SDHB: variants seen among roughly 807,000 people sequenced by gnomAD.
SDHB encodes the protein succinate dehydrogenase [ubiquinone] iron-sulfur subunit, mitochondrial.
In SDHB, 21 loss-of-function variants were observed where a neutral mutation model predicts 39.7. The ratio of observed to expected loss-of-function variants is 0.53; its 90% confidence interval spans 0.37 to 0.76. The LOEUF is 0.76. Among genes scored for constraint, SDHB ranks in the 30% least tolerant of loss-of-function variants. The pLI, the probability that SDHB is intolerant of heterozygous loss-of-function variation, is 0.00. For missense variants in SDHB, 343 were observed against 350.9 expected (o/e 0.98, Z 0.18); for synonymous variants, 118 against 117.0 (o/e 1.01, Z -0.06).
At chr1:17,035,641 T>A (rs1328217931) in intron 2 of SDHB, among the ~76,000 whole-genome samples, 1 of 152,058 alleles carries the variant, frequency 6.6e-6, no homozygotes, top group African/African-American at 2.4e-5. Flanking sequence ...GGCGGGTGGA[T>A]CATGAGGTCA....
At chr1:17,049,704 G>C (rs11799540) in intron 1 of SDHB, among the ~76,000 whole-genome samples, 3 of 122,336 alleles carry the variant, frequency 2.5e-5, no homozygotes, top group Non-Finnish European at 4.7e-5. Flanking sequence ...CTGTCACCCA[G>C]GCTGGAGTGG....
Position 17,027,730 on chromosome 1 carries a change from A to G in SDHB, c.540+19T>C. 7.3e-7 allele frequency: 1 copy of G among 1,367,808 alleles called. No homozygotes were observed. The highest frequency in any genetic ancestry group is 1.0e-6 in the Non-Finnish European group (1 of 955,360). 84.7% of individuals were successfully genotyped at this position (1,367,808 alleles called of 1,614,324 possible). ...GCAATAAATTCTTCAGATTGAAACA[A>G]TAAATAGGGACTAATGACCAGTTTC... On this transcript the variant is annotated intron_variant, in intron 5 of 7. Transcript: ENST00000375499.
chr1:17,021,638 G>C (rs1042696863), intron 7 of SDHB, among the ~76,000 whole-genome samples: 7 of 151,890 alleles, frequency 4.6e-5, no homozygotes, highest in African/African-American at 1.7e-4. Flanking sequence ...CCAGCTACTC[G>C]GGAGGCGAAT....
chr1:17,029,430 AT>A (rs34853585), intron 3 of SDHB, among the ~76,000 whole-genome samples: 59,113 of 137,048 alleles, frequency 0.43, 13,639 homozygotes, highest in Non-Finnish European at 0.55. Flanking sequence ...CGTCAAGCCT[AT>A]TTTTTTTTTT....
In SDHB at chr1:17,027,825, G is replaced by A. The variant is rs1553177686; in HGVS notation, c.464C>T (p.Pro155Leu). 1.2e-6 allele frequency: 2 copies of A among 1,612,918 alleles called. No homozygotes were observed. Among genetic ancestry groups the A allele is most frequent in the Non-Finnish European group, 1.7e-6 (2 of 1,179,214 alleles). ...NFYAQYKSIEPYLKKKDESQE... is the reference protein window; with the variant it reads ...NFYAQYKSIELYLKKKDESQE... ...AGATTCATCCTTCTTCTTCAAATAA[G>A]GCTCAATGGATTTGTACTGTGCATA... The change falls in exon 5 of 8, where the codon CCT (proline) becomes CTT (leucine). Residue 155 changes from proline (P) to leucine (L), a missense_variant. By Grantham distance (98) the Pro-to-Leu change is moderately conservative. Coordinates refer to ENST00000375499, the MANE Select transcript of SDHB (RefSeq NM_003000.3).
At position 17,028,892 on chromosome 1, in the gene SDHB, T is replaced by C. The variant is rs2746469; in HGVS notation, c.287-156A>G. Among the ~76,000 whole-genome samples, 145,633 of 152,198 alleles carry C rather than the reference T, an allele frequency of 0.96. 69,730 individuals are homozygous for C. The highest frequency in any genetic ancestry group is 0.99 in the East Asian group (5,130 of 5,158). ...GTGCCTGTTGGCTTTTCTCCCTTCC[T>C]TCCTTCTTCCTGCCTCGAATGTGGT... On this transcript the variant is annotated intron_variant, in intron 3 of 7. Transcript: ENST00000375499.
chr1:17,042,359 G>A (rs2078085810), intron 2 of SDHB, among the ~76,000 whole-genome samples: 1 of 152,126 alleles, frequency 6.6e-6, no homozygotes, highest in East Asian at 1.9e-4. Context: ...TACTGTTCAG[G>A]CAGTTGTTTC....
At chr1:17,042,216 C>G (rs775087896) in intron 2 of SDHB, among the ~76,000 whole-genome samples, 1 of 152,128 alleles carries the variant, frequency 6.6e-6, no homozygotes, top group Non-Finnish European at 1.5e-5. Flanking sequence ...CTGTTAGTCC[C>G]GTTACTTCCC....
chr1:17,025,667 C>G (rs1169193661), intron 5 of SDHB, among the ~76,000 whole-genome samples: 1 of 152,102 alleles, frequency 6.6e-6, no homozygotes, highest in Non-Finnish European at 1.5e-5. Flanking sequence ...CTCTCTGAAC[C>G]TATTTTGGTT....
At chr1:17,023,654 T>C (rs1359073971) in intron 6 of SDHB, among the ~76,000 whole-genome samples, 1 of 152,316 alleles carries the variant, frequency 6.6e-6, no homozygotes, top group African/African-American at 2.4e-5. Flanking sequence ...ACAAGTCTTA[T>C]GTTACAAATC....
intron 2 of SDHB, among the ~76,000 whole-genome samples, chr1:17,039,406 C>A (rs2078067044): frequency 8.5e-6 from 1 of 117,388 alleles, no homozygotes; most frequent in Non-Finnish European, 1.7e-5. Context: ...TAGTGAGACC[C>A]TGTCTCTACA....
intron 2 of SDHB, among the ~76,000 whole-genome samples, chr1:17,043,359 G>C (rs2078092070): frequency 2.0e-5 from 3 of 152,120 alleles, no homozygotes; most frequent in Non-Finnish European, 2.9e-5. Context: ...GGGACTTTTG[G>C]TTGCTGAGTA....
chr1:17,035,898 T>A (rs986558550), intron 2 of SDHB, among the ~76,000 whole-genome samples: 2 of 151,812 alleles, frequency 1.3e-5, no homozygotes, highest in Admixed American at 6.6e-5. Flanking sequence ...ATAAATAAAT[T>A]CAAATCAAAG....
At chr1:17,050,978 A>T (rs2078143196) in intron 1 of SDHB, among the ~76,000 whole-genome samples, 1 of 152,232 alleles carries the variant, frequency 6.6e-6, no homozygotes, top group Admixed American at 6.5e-5. Flanking sequence ...TCCCAGTTAA[A>T]AGACGAGGAT....
intron 1 of SDHB, among the ~76,000 whole-genome samples, chr1:17,051,754 G>A (rs1164861388): frequency 6.6e-6 from 1 of 152,114 alleles, no homozygotes; most frequent in Non-Finnish European, 1.5e-5. Context: ...CTACAAGATT[G>A]GCAACCTTAT....
intron 7 of SDHB, among the ~76,000 whole-genome samples, chr1:17,019,694 A>G (rs1185756505): frequency 6.6e-6 from 1 of 152,164 alleles, no homozygotes; most frequent in Non-Finnish European, 1.5e-5. Flanking sequence ...TGTGGAAAGA[A>G]AGAAGAAAAG....
At chr1:17,019,029 T>A in intron 7 of SDHB, 71 bp from the exon 8 acceptor site, 1 of 1,175,408 alleles carries the variant, frequency 8.5e-7, no homozygotes, top group Non-Finnish European at 1.3e-6. Context: ...CAATCTTGGG[T>A]GAAACTCCTT....
chr1:17,047,078 C>A (rs1283307468), intron 1 of SDHB, among the ~76,000 whole-genome samples: 1 of 152,058 alleles, frequency 6.6e-6, no homozygotes, highest in African/African-American at 2.4e-5. Context: ...ATACTGAGGC[C>A]AGGTGCAGTG....
At chr1:17,053,887 C>G (rs1422486478) in intron 1 of SDHB, 61 bp downstream of exon 1, 2 of 1,258,760 alleles carry the variant, frequency 1.6e-6, no homozygotes, top group African/African-American at 2.9e-5. Flanking sequence ...GCAGCCCCAT[C>G]AGCTCCAGGC....
Sources: allele counts gnomAD v4.1 joint callset (sites outside exome capture counted in the v4.1 genomes callset), GRCh38; gene constraint gnomAD v4.1.1; transcripts MANE v1.5; gene names NCBI Gene and HGNC (gene_info 2026-07-23, HGNC 2026-07-21).